Variants in KCNT2 observed in about 807,000 individuals in gnomAD.
KCNT2 encodes the protein potassium channel subfamily T member 2.
KCNT2 carries 67 observed loss-of-function variants against 153.8 expected under a neutral mutation model. The observed-to-expected ratio is 0.44, with a 90% CI of 0.36 to 0.53. KCNT2 has a LOEUF of 0.53. Among genes scored for constraint, KCNT2 ranks in the 20% least tolerant of loss-of-function variants. The pLI, the probability that KCNT2 is intolerant of heterozygous loss-of-function variation, is 0.00. For synonymous variants in KCNT2, 500 were observed against 458.8 expected (o/e 1.09, Z -1.15); for missense variants, 975 against 1,354.8 (o/e 0.72, Z 4.40).
chr1:196,240,009 C>T (rs1392263913), intron 26 of KCNT2, among the ~76,000 whole-genome samples: 1 of 152,012 alleles, frequency 6.6e-6, no homozygotes, highest in African/African-American at 2.4e-5. Flanking sequence ...TTTTGGGCAC[C>T]TTGATGTTGG....
rs1327299789 is a variant in KCNT2 at position 196,398,671 on chromosome 1, C to A, written c.1186G>T (p.Asp396Tyr). 1 of 1,522,934 alleles carries A rather than the reference C, an allele frequency of 6.6e-7. No individual in the cohort carries two copies. Among genetic ancestry groups the A allele is most frequent in the Non-Finnish European group, 9.1e-7 (1 of 1,103,648 alleles). The allele number at this position is 1,522,934 out of a possible 1,614,324, so 94.3% of individuals were successfully genotyped here. A position where few individuals can be genotyped will look rare whatever the true frequency, so the allele number is the denominator to read the frequency against. ...CATGCTCTCAAAATTGTTTGGTGATCCTGAAGTGATCAAAATAAAAACATC... is the reference window on the plus strand; with the variant it reads ...CATGCTCTCAAAATTGTTTGGTGATACTGAAGTGATCAAAATAAAAACATC... ...SRCEVDRTSS[D>Y]HQTILRAWAV... Residue 396 changes from aspartate to tyrosine, a missense_variant and splice_region_variant, in exon 13 of 28, where the codon GAT becomes TAT. Coordinates refer to ENST00000294725, the MANE Select transcript of KCNT2 (RefSeq NM_198503.5).
chr1:196,558,589 G>A (rs1658991791), intron 1 of KCNT2, among the ~76,000 whole-genome samples: 1 of 151,376 alleles, frequency 6.6e-6, no homozygotes, highest in Admixed American at 6.6e-5. Flanking sequence ...AATTTGCCAG[G>A]AAAACGAAAC....
chr1:196,515,099 C>A (rs1384997764), intron 1 of KCNT2, among the ~76,000 whole-genome samples: 1 of 152,136 alleles, frequency 6.6e-6, no homozygotes, highest in African/African-American at 2.4e-5. Flanking sequence ...TAGGTCCTGG[C>A]TCACTATGAT....
At chr1:196,607,744 A>G (rs184978487) in intron 1 of KCNT2, among the ~76,000 whole-genome samples, 255 of 152,368 alleles carry the variant, frequency 1.7e-3, no homozygotes, top group African/African-American at 6.0e-3. Flanking sequence ...TACCTACTCA[A>G]GACAACACAG....
chr1:196,603,071 C>A (rs1036448626), intron 1 of KCNT2, among the ~76,000 whole-genome samples: 1 of 152,062 alleles, frequency 6.6e-6, no homozygotes, highest in Non-Finnish European at 1.5e-5. Context: ...CAGGCGTGAG[C>A]CACCGCGCCC....
rs775535429 is a variant in KCNT2 at position 196,428,216 on chromosome 1, A to G, written c.873T>C (p.Tyr291=). The change falls in exon 10 of 28, where the codon TAT becomes TAC. Residue 291 remains tyrosine (Y), a synonymous_variant. Transcript: ENST00000294725. ...TTTCAGTTTGAGCTCTATGTCGACT[A>G]TAGTTTCCTCCTGACTTTTGTCTCT... is the stretch of plus-strand genomic sequence containing the variant. The part of the protein sequence containing the change: ...WMERQKSGGN[Y]SRHRAQTEKH... 3.7e-6 allele frequency: 6 copies of G among 1,612,626 alleles called. No homozygotes were observed. In the South Asian group the frequency reaches 6.6e-5, roughly 18 times the overall value.
intron 8 of KCNT2, among the ~76,000 whole-genome samples, chr1:196,440,945 T>C (rs1291319188): frequency 6.6e-6 from 1 of 151,780 alleles, no homozygotes; most frequent in Non-Finnish European, 1.5e-5. Flanking sequence ...GGTCTATACA[T>C]ACAGACCCAC....
chr1:196,362,821 A>G (rs188802570), intron 14 of KCNT2, among the ~76,000 whole-genome samples: 3 of 152,230 alleles, frequency 2.0e-5, no homozygotes, highest in Non-Finnish European at 4.4e-5. Context: ...AGGAATACCA[A>G]AGTAACTTCT....
chr1:196,607,954 A>G (rs529675755), intron 1 of KCNT2, among the ~76,000 whole-genome samples: 4 of 152,326 alleles, frequency 2.6e-5, no homozygotes, highest in African/African-American at 9.6e-5. Context: ...CAGATAGACA[A>G]AAGAATAAGC....
chr1:196,442,520 C>G (rs1235619929), intron 8 of KCNT2, among the ~76,000 whole-genome samples: 2 of 151,552 alleles, frequency 1.3e-5, no homozygotes, highest in Non-Finnish European at 3.0e-5. Flanking sequence ...AGAAGAGGCC[C>G]CAGAGTTATG....
chr1:196,299,660 C>CTGTTGGTTATA (rs1660999640), intron 22 of KCNT2, among the ~76,000 whole-genome samples: 1 of 152,038 alleles, frequency 6.6e-6, no homozygotes. Flanking sequence ...TATAAGAATG[C>CTGTTGGTTATA]AGAGTAGTAC....
chr1:196,381,167 T>A (rs769658469), intron 13 of KCNT2, among the ~76,000 whole-genome samples: 1 of 152,170 alleles, frequency 6.6e-6, no homozygotes, highest in Non-Finnish European at 1.5e-5. Flanking sequence ...CTTATTTTAG[T>A]ACAATAAATA....
chr1:196,490,619 A>G (rs1679788542), intron 2 of KCNT2, among the ~76,000 whole-genome samples: 1 of 151,432 alleles, frequency 6.6e-6, no homozygotes, highest in Non-Finnish European at 1.5e-5. Flanking sequence ...TTCTATTTTT[A>G]ACTATTTAAA....
At chr1:196,382,959 TTTTG>T (rs1558222561) in intron 13 of KCNT2, among the ~76,000 whole-genome samples, 1 of 152,102 alleles carries the variant, frequency 6.6e-6, no homozygotes, top group Admixed American at 6.6e-5. Context: ...GTACATGGAA[TTTTG>T]TTTGTTTGCA....
intron 4 of KCNT2, 74 bp from the exon 5 acceptor site, chr1:196,479,312 A>G: frequency 1.2e-6 from 1 of 853,974 alleles, no homozygotes; most frequent in Non-Finnish European, 1.9e-6. Flanking sequence ...TATACTACTA[A>G]CTTTATTTAA....
intron 3 of KCNT2, among the ~76,000 whole-genome samples, chr1:196,487,271 A>T (rs929739985): frequency 6.6e-6 from 1 of 152,004 alleles, no homozygotes; most frequent in African/African-American, 2.4e-5. Flanking sequence ...TTGTTGGCCA[A>T]TAATTTTTAA....
intron 1 of KCNT2, among the ~76,000 whole-genome samples, chr1:196,563,569 A>C (rs773034554): frequency 2.6e-5 from 4 of 151,946 alleles, no homozygotes; most frequent in African/African-American, 4.8e-5. Flanking sequence ...AGAAACTACA[A>C]GAAAAGAAAA....
At chr1:196,376,913 T>G (rs1669015026) in intron 13 of KCNT2, among the ~76,000 whole-genome samples, 1 of 151,862 alleles carries the variant, frequency 6.6e-6, no homozygotes, top group East Asian at 1.9e-4. Flanking sequence ...GCCATGACAT[T>G]CAAGCAGGCT....
At chr1:196,550,972 T>C (rs1232038534) in intron 1 of KCNT2, among the ~76,000 whole-genome samples, 1 of 152,002 alleles carries the variant, frequency 6.6e-6, no homozygotes, top group Non-Finnish European at 1.5e-5. Context: ...ATTTGAGATA[T>C]TTGCAGAATT....
Sources: allele counts gnomAD v4.1 joint callset (sites outside exome capture counted in the v4.1 genomes callset), GRCh38; gene constraint gnomAD v4.1.1; transcripts MANE v1.5; gene names NCBI Gene and HGNC (gene_info 2026-07-23, HGNC 2026-07-21).